DGCR2: variants seen among roughly 807,000 people sequenced by gnomAD.
The protein encoded by DGCR2 is DiGeorge syndrome critical region gene 2.
DGCR2 carries 24 observed loss-of-function variants against 51.6 expected under a neutral mutation model. The ratio of observed to expected loss-of-function variants is 0.47; its 90% CI spans 0.34 to 0.65. The LOEUF (loss-of-function observed/expected upper bound fraction) is 0.65, where lower values mean the gene tolerates loss of function less well. DGCR2 is among the 30% of genes least tolerant of loss of function. DGCR2 has a pLI of 0.01. For missense variants in DGCR2, 765 were observed against 772.1 expected (o/e 0.99, Z 0.11); for synonymous variants, 340 against 315.4 (o/e 1.08, Z -0.82).
At chr22:19,041,321 A>G in intron 8 of DGCR2, 27 bp from the exon 9 acceptor site, 1 of 1,606,860 alleles carries the variant, frequency 6.2e-7, no homozygotes. Context: ...GTGCAACGGG[A>G]ACAGAGACAA....
intron 2 of DGCR2, among the ~76,000 whole-genome samples, chr22:19,081,281 T>C (rs1017974726): frequency 5.3e-5 from 8 of 152,260 alleles, no homozygotes; most frequent in African/African-American, 1.9e-4. Context: ...TATATCCCTC[T>C]GTCTCTCCAC....
intron 6 of DGCR2, 50 bp from the exon 7 acceptor site, chr22:19,048,693 A>G (rs1393173982): frequency 3.1e-6 from 5 of 1,592,676 alleles, no homozygotes; most frequent in South Asian, 2.2e-5. Flanking sequence ...CAAAAAAGGT[A>G]GCCTCCCCGT....
chr22:19,050,779 C>A (rs989408568), intron 6 of DGCR2, among the ~76,000 whole-genome samples: 1 of 152,010 alleles, frequency 6.6e-6, no homozygotes, highest in African/African-American at 2.4e-5. Flanking sequence ...AACACTCATT[C>A]GAAACATGTC....
chr22:19,082,454 A>T (rs1266279795), intron 2 of DGCR2, among the ~76,000 whole-genome samples: 1 of 152,036 alleles, frequency 6.6e-6, no homozygotes, highest in African/African-American at 2.4e-5. Context: ...GATTAAGAAA[A>T]AGGTGGCCAG....
rs780796507 is a variant in DGCR2 at position 19,083,466 on chromosome 22, C to T, written c.202+5902G>A. On this transcript the variant is annotated intron_variant, in intron 2 of 9. Coordinates refer to ENST00000263196, the MANE Select transcript of DGCR2 (RefSeq NM_005137.3). ...TCTCAACATTTTAGAATCGACTTAT[C>T]GCATTTCACATAAAACTCACGGAGC... Among the ~76,000 whole-genome samples, 12 of 152,186 alleles carry T rather than the reference C, an allele frequency of 7.9e-5. No homozygotes were observed. In the South Asian group the frequency reaches 8.3e-4, roughly 11 times the overall value.
chr22:19,101,227 G>A (rs764830573), intron 1 of DGCR2, among the ~76,000 whole-genome samples: 11 of 152,152 alleles, frequency 7.2e-5, no homozygotes, highest in Non-Finnish European at 1.6e-4. Flanking sequence ...ATGTACTCAA[G>A]AGAATTAAAA....
intron 2 of DGCR2, among the ~76,000 whole-genome samples, chr22:19,072,142 G>A (rs112312032): frequency 0.037 from 5,562 of 152,242 alleles, 303 homozygotes; most frequent in African/African-American, 0.13. Flanking sequence ...AACAGGTGGT[G>A]TCTGGGTTAG....
rs144058023 is a variant in DGCR2, at chr22:19,086,252, C to A, written c.202+3116G>T. Among the ~76,000 whole-genome samples, 105 of 152,004 alleles carry A rather than the reference C, an allele frequency of 6.9e-4. No homozygotes were observed. In the East Asian group the frequency reaches 0.013, roughly 19 times the overall value. Reference sequence around the variant, plus strand: ...CAGCACTTTGGGAGGCCGAGGAGAGCGGATCACAAGGTCAGGAGATCGAGA... The same window carrying A: ...CAGCACTTTGGGAGGCCGAGGAGAGAGGATCACAAGGTCAGGAGATCGAGA... On this transcript the variant is annotated intron_variant, in intron 2 of 9. Coordinates refer to ENST00000263196, the MANE Select transcript of DGCR2 (RefSeq NM_005137.3).
intron 2 of DGCR2, among the ~76,000 whole-genome samples, chr22:19,071,471 T>C (rs759624885): frequency 2.0e-5 from 3 of 152,042 alleles, no homozygotes; most frequent in Admixed American, 6.5e-5. Flanking sequence ...ACTTACATAG[T>C]ATTGCTACCT....
intron 5 of DGCR2, among the ~76,000 whole-genome samples, chr22:19,062,455 G>C (rs1051751311): frequency 4.6e-5 from 7 of 152,172 alleles, no homozygotes; most frequent in Non-Finnish European, 8.8e-5. Context: ...CCTTCTTAGA[G>C]ATACTTAAGA....
chr22:19,064,483 C>G (rs73386919), intron 4 of DGCR2, among the ~76,000 whole-genome samples: 2,255 of 152,326 alleles, frequency 0.015, 27 homozygotes, highest in African/African-American at 0.017. Flanking sequence ...ACTGCACACC[C>G]CTTGCACAAG....
intron 1 of DGCR2, 121 bp downstream of exon 1, chr22:19,122,007 C>T (rs2083439166): frequency 3.4e-6 from 2 of 596,554 alleles, no homozygotes; most frequent in Non-Finnish European, 4.7e-6. Flanking sequence ...AGCCAGGCCC[C>T]GCCCGCCCCT....
rs528741443 is a variant in DGCR2 at position 19,089,626 on chromosome 22, C to T, written c.80-136G>A. ...ACAGAGTCTCATTCTGTCACCCAGG[C>T]TGGAGTGCCAGTGGTGCAGTCTCAG... On this transcript the variant is annotated intron_variant, in intron 1 of 9. Transcript: ENST00000263196. 75 of 1,076,766 alleles carry T rather than the reference C, an allele frequency of 7.0e-5. No individual in the cohort carries two copies. The African/African-American group carries it at 9.4e-4, about 13-fold the overall frequency. 66.7% of individuals were successfully genotyped at this position (1,076,766 alleles called of 1,614,324 possible).
At chr22:19,103,483 T>G (rs1206237660) in intron 1 of DGCR2, among the ~76,000 whole-genome samples, 1 of 126,778 alleles carries the variant, frequency 7.9e-6, no homozygotes, top group Admixed American at 9.8e-5. Flanking sequence ...CAGGCTGGAG[T>G]GCAGTGGCAA....
chr22:19,085,010 T>C (rs1362131861), intron 2 of DGCR2, among the ~76,000 whole-genome samples: 3 of 151,900 alleles, frequency 2.0e-5, no homozygotes, highest in African/African-American at 7.3e-5. Flanking sequence ...GGGGAAAAGA[T>C]TGAGAAATCG....
intron 1 of DGCR2, among the ~76,000 whole-genome samples, chr22:19,102,014 C>T (rs1448860244): frequency 6.6e-6 from 1 of 152,114 alleles, no homozygotes; most frequent in South Asian, 2.1e-4. Context: ...GAGATCGCAT[C>T]ACTATACTCC....
chr22:19,053,031 C>T (rs778159506), intron 6 of DGCR2, among the ~76,000 whole-genome samples: 38 of 152,326 alleles, frequency 2.5e-4, no homozygotes, highest in South Asian at 6.2e-4. Context: ...TATTTTGAGT[C>T]CATACTTCCA....
chr22:19,117,267 G>C (rs922594305), intron 1 of DGCR2, among the ~76,000 whole-genome samples: 2 of 152,244 alleles, frequency 1.3e-5, no homozygotes, highest in African/African-American at 2.4e-5. Flanking sequence ...TTGGGAAGTG[G>C]AGCAGCGAAG....
intron 3 of DGCR2, among the ~76,000 whole-genome samples, chr22:19,067,727 A>C (rs959996709): frequency 1.4e-5 from 2 of 139,842 alleles, no homozygotes; most frequent in African/African-American, 5.2e-5. Context: ...TAAATAAATA[A>C]ATAAGGAGTC....
Sources: gnomAD v4.1 joint callset for allele counts (sites outside exome capture counted in the v4.1 genomes callset) on GRCh38, gnomAD v4.1.1 for gene constraint, MANE v1.5 for transcripts, NCBI Gene and HGNC (gene_info 2026-07-23, HGNC 2026-07-21) for gene names.